The following CADM2 variants were observed in gnomAD, a reference collection of about 807,000 sequenced individuals.
CADM2 encodes the protein immunoglobulin superfamily member 4D.
Under a neutral mutation model 49.8 loss-of-function variants are expected in CADM2, and 12 were observed. The observed-to-expected ratio is 0.24, with a 90% confidence interval of 0.15 to 0.39. The LOEUF (loss-of-function observed/expected upper bound fraction) is 0.39. Ranked by LOEUF, CADM2 falls within the 10% of genes least tolerant of loss-of-function variation. The probability of loss-of-function intolerance (pLI) is 1.00; values close to 1 mark genes in which losing one functional copy is unlikely to be tolerated. For synonymous variants in CADM2, 214 were observed against 175.4 expected, an observed-to-expected ratio of 1.22 and a Z score of -1.74; for missense variants, 378 against 492.3, an observed-to-expected ratio of 0.77 and a Z score of 2.20.
chr3:85,819,693 A>G (rs1577391984), intron 3 of CADM2, among the ~76,000 whole-genome samples: 1 of 152,164 alleles, frequency 6.6e-6, no homozygotes, highest in Non-Finnish European at 1.5e-5. Context: ...TTAATTCACT[A>G]TATCATTACA....
intron 1 of CADM2, among the ~76,000 whole-genome samples, chr3:85,357,136 A>G (rs2031933192): frequency 6.6e-6 from 1 of 152,136 alleles, no homozygotes; most frequent in South Asian, 2.1e-4. Flanking sequence ...CATATGTGGG[A>G]AAAAACCCTA....
chr3:85,277,613 T>A (rs1017590684), intron 1 of CADM2, among the ~76,000 whole-genome samples: 1 of 151,450 alleles, frequency 6.6e-6, no homozygotes, highest in African/African-American at 2.4e-5. Flanking sequence ...CTGATGAGAA[T>A]TTTTTAACTT....
chr3:84,982,896 C>T (rs2107143279), intron 1 of CADM2, among the ~76,000 whole-genome samples: 1 of 151,474 alleles, frequency 6.6e-6, no homozygotes. Context: ...CAGGCGTCCG[C>T]CACCATGCCC....
intron 1 of CADM2, among the ~76,000 whole-genome samples, chr3:85,463,624 A>G (rs2038354397): frequency 6.6e-6 from 1 of 152,176 alleles, no homozygotes; most frequent in Non-Finnish European, 1.5e-5. Flanking sequence ...AGTGAAAAAA[A>G]TCTTTACATT....
At chr3:85,577,981 C>CTCTTTCCTTCCTTCCTTCCT (rs2062685172) in intron 1 of CADM2, among the ~76,000 whole-genome samples, 1 of 68,700 alleles carries the variant, frequency 1.5e-5, no homozygotes, top group African/African-American at 7.6e-5. Flanking sequence ...ACCTATTAAT[C>CTCTTTCCTTCCTTCCTTCCT]TCTTTCCTTC....
chr3:85,714,141 T>G (rs952022094), intron 1 of CADM2, among the ~76,000 whole-genome samples: 1 of 152,214 alleles, frequency 6.6e-6, no homozygotes, highest in Admixed American at 6.5e-5. Flanking sequence ...ATAGGTTATT[T>G]GAAACCACAC....
chr3:85,945,259 C>G (rs1306641899), intron 7 of CADM2, among the ~76,000 whole-genome samples: 1 of 152,094 alleles, frequency 6.6e-6, no homozygotes, highest in African/African-American at 2.4e-5. Context: ...AGACCAATAA[C>G]AGGCTCTGAA....
At chr3:85,142,536 A>G (rs1050679242) in intron 1 of CADM2, among the ~76,000 whole-genome samples, 1 of 152,214 alleles carries the variant, frequency 6.6e-6, no homozygotes, top group African/African-American at 2.4e-5. Context: ...CAATATGTGT[A>G]TAATTGCAAC....
At chr3:85,196,569 AATTG>A (rs1461268823) in intron 1 of CADM2, among the ~76,000 whole-genome samples, 2 of 151,994 alleles carry the variant, frequency 1.3e-5, no homozygotes, top group African/African-American at 4.8e-5. Context: ...GGTTTTAAAT[AATTG>A]ATTGATTTAT....
At chr3:85,999,631 G>GAGAAAGAA (rs60020500) in intron 8 of CADM2, among the ~76,000 whole-genome samples, 1 of 148,948 alleles carries the variant, frequency 6.7e-6, no homozygotes, top group Non-Finnish European at 1.5e-5. Context: ...AAGAAAGAAG[G>GAGAAAGAA]AGAAAGAAAG....
chr3:85,553,280 C>G (rs921876029), intron 1 of CADM2, among the ~76,000 whole-genome samples: 20 of 93,452 alleles, frequency 2.1e-4, no homozygotes, highest in Non-Finnish European at 1.8e-4. Context: ...ATCAGGTACT[C>G]TAGATCTAGT....
intron 1 of CADM2, among the ~76,000 whole-genome samples, chr3:85,690,132 G>A (rs771074029): frequency 4.6e-5 from 7 of 152,092 alleles, no homozygotes; most frequent in Admixed American, 1.3e-4. Context: ...AGCCTTCTCC[G>A]AGTTGGAACT....
At chr3:85,385,213 G>A (rs568391622) in intron 1 of CADM2, among the ~76,000 whole-genome samples, 1 of 152,176 alleles carries the variant, frequency 6.6e-6, no homozygotes, top group East Asian at 1.9e-4. Context: ...GGGATTACAG[G>A]CGTTAGCCAC....
At chr3:85,584,444 G>T (rs1175692727) in intron 1 of CADM2, among the ~76,000 whole-genome samples, 1 of 151,990 alleles carries the variant, frequency 6.6e-6, no homozygotes, top group East Asian at 1.9e-4. Context: ...GTAATGCAAA[G>T]AAATTCGAAG....
At chr3:85,819,702 C>T (rs1322510014) in intron 3 of CADM2, among the ~76,000 whole-genome samples, 1 of 152,068 alleles carries the variant, frequency 6.6e-6, no homozygotes, top group East Asian at 1.9e-4. Flanking sequence ...TATATCATTA[C>T]AGTTTGATGT....
intron 8 of CADM2, among the ~76,000 whole-genome samples, chr3:86,022,401 T>A: frequency 6.6e-6 from 1 of 152,152 alleles, no homozygotes; most frequent in East Asian, 1.9e-4. Flanking sequence ...TAGTGCATTC[T>A]ATCTCTCTCC....
intron 1 of CADM2, among the ~76,000 whole-genome samples, chr3:85,448,962 A>AT (rs1341879526): frequency 6.6e-6 from 1 of 151,436 alleles, no homozygotes; most frequent in African/African-American, 2.4e-5. Flanking sequence ...AGGCAGGACA[A>AT]TCGCTTGAAC....
chr3:85,753,774 C>T (rs900317332), intron 2 of CADM2, among the ~76,000 whole-genome samples: 1 of 152,072 alleles, frequency 6.6e-6, no homozygotes, highest in Admixed American at 6.6e-5. Flanking sequence ...TGGCCGCGAA[C>T]TCGTATGCGT....
chr3:85,288,271 A>G (rs1455747743), intron 1 of CADM2, among the ~76,000 whole-genome samples: 3 of 152,054 alleles, frequency 2.0e-5, no homozygotes, highest in African/African-American at 7.2e-5. Flanking sequence ...CTTAATGACA[A>G]GTGTATATGG....
Sources: allele counts gnomAD v4.1 joint callset (sites outside exome capture counted in the v4.1 genomes callset), GRCh38; gene constraint gnomAD v4.1.1; transcripts MANE v1.5; gene names NCBI Gene and HGNC (gene_info 2026-07-23, HGNC 2026-07-21).